The following AGL variants were observed in gnomAD, a reference collection of about 807,000 sequenced individuals.
AGL encodes the protein amylo-alpha-1,6-glucosidase and 4-alpha-glucanotransferase, also known as glycogen debranching enzyme.
A neutral mutation model predicts 199.3 loss-of-function variants in AGL; 128 were observed. The ratio of observed to expected loss-of-function variants is 0.64; its 90% CI spans 0.56 to 0.74. AGL has a LOEUF of 0.74. AGL is among the 30% of genes least tolerant of loss of function. AGL has a pLI of 0.00. For synonymous variants in AGL, 584 were observed against 594.7 expected, an observed-to-expected ratio of 0.98 and a Z score of 0.26; for missense variants, 1,809 against 1,820.8, an observed-to-expected ratio of 0.99 and a Z score of 0.12.
intron 12 of AGL, 77 bp downstream of exon 12, chr1:99,877,905 A>C: frequency 1.4e-6 from 2 of 1,424,788 alleles, no homozygotes; most frequent in Non-Finnish European, 2.0e-6. Context: ...TAAACTATGC[A>C]GGTAAATGTT....
rs1295886616 is a variant in AGL at position 99,880,614 on chromosome 1, T to C, written c.1736-18T>C. The C allele has an allele frequency of 5.0e-6, 8 of 1,613,038 alleles. No homozygotes were observed. The highest frequency in any genetic ancestry group is 2.2e-5 in the South Asian group (2 of 91,060). On this transcript the variant is annotated intron_variant, in intron 13 of 33. Transcript: ENST00000361915. ...ATAAATAATGAAGATTGTTAAAATA[T>C]TCTGTAATGCTCTGCAGAGGCAATG...
chr1:99,889,130 G>A (rs374909923), intron 21 of AGL, among the ~76,000 whole-genome samples: 24 of 152,234 alleles, frequency 1.6e-4, no homozygotes, highest in African/African-American at 5.8e-4. Context: ...TTATGGTTAG[G>A]ATTAATGAAT....
chr1:99,896,024 T>A (rs548995908), intron 24 of AGL, among the ~76,000 whole-genome samples: 1 of 152,336 alleles, frequency 6.6e-6, no homozygotes, highest in East Asian at 1.9e-4. Flanking sequence ...TTTAGATAAG[T>A]ATCTCTCTAT....
intron 24 of AGL, among the ~76,000 whole-genome samples, chr1:99,895,296 G>T (rs1181110730): frequency 2.6e-5 from 4 of 151,958 alleles, no homozygotes; most frequent in Admixed American, 6.6e-5. Context: ...TGTTTTATAA[G>T]AAACCAAACT....
At chr1:99,851,426 A>G (rs1003267463) in intron 2 of AGL, among the ~76,000 whole-genome samples, 2 of 152,196 alleles carry the variant, frequency 1.3e-5, no homozygotes, top group African/African-American at 2.4e-5. Context: ...ATTATTTCTA[A>G]TAACATTTAC....
intron 25 of AGL, among the ~76,000 whole-genome samples, chr1:99,898,005 T>C (rs1201895661): frequency 6.6e-6 from 1 of 152,184 alleles, no homozygotes; most frequent in Non-Finnish European, 1.5e-5. Flanking sequence ...AACTGTGGCC[T>C]ATCACCTGTT....
At chr1:99,899,051 C>G (rs1023643238) in intron 25 of AGL, among the ~76,000 whole-genome samples, 1 of 151,986 alleles carries the variant, frequency 6.6e-6, no homozygotes, top group Non-Finnish European at 1.5e-5. Flanking sequence ...TCAAGACCAG[C>G]CTGGGCAACA....
intron 27 of AGL, 51 bp from the exon 28 acceptor site, chr1:99,910,661 A>G: frequency 9.5e-7 from 1 of 1,047,708 alleles, no homozygotes; most frequent in Non-Finnish European, 1.3e-6. Flanking sequence ...ATTTGTATAT[A>G]CTATATATAA....
chr1:99,921,182 A>G (rs949422844), intron 33 of AGL, among the ~76,000 whole-genome samples: 1 of 152,142 alleles, frequency 6.6e-6, no homozygotes, highest in Non-Finnish European at 1.5e-5. Flanking sequence ...AGTTTTATCA[A>G]GATCACACAT....
upstream of AGL, among the ~76,000 whole-genome samples, chr1:99,849,625 G>C (rs995352749): frequency 1.3e-5 from 2 of 152,208 alleles, no homozygotes; most frequent in African/African-American, 4.8e-5. Context: ...AGGAACATGT[G>C]TCCTGTCTGT....
chr1:99,907,693 G>GTTTTTTTT (rs71075465), intron 27 of AGL, among the ~76,000 whole-genome samples: 1 of 118,942 alleles, frequency 8.4e-6, no homozygotes, highest in Non-Finnish European at 1.8e-5. Context: ...TTTGTTTTTT[G>GTTTTTTTT]TTTTTTTTGC....
At chr1:99,894,092 G>A (rs2100797601) in intron 24 of AGL, among the ~76,000 whole-genome samples, 1 of 152,118 alleles carries the variant, frequency 6.6e-6, no homozygotes, top group East Asian at 1.9e-4. Flanking sequence ...GGAGGCTGGG[G>A]CAGGAGGATC....
At chr1:99,864,651 C>A in intron 5 of AGL, 62 bp downstream of exon 5, 2 of 1,388,928 alleles carry the variant, frequency 1.4e-6, no homozygotes, top group Non-Finnish European at 2.0e-6. Context: ...CACACATATA[C>A]ACACAAATAA....
At chr1:99,891,444 A>T in intron 22 of AGL, 88 bp downstream of exon 22, 2 of 1,539,376 alleles carry the variant, frequency 1.3e-6, no homozygotes, top group Non-Finnish European at 1.8e-6. Context: ...ATTGTTTTCT[A>T]ACCTGAACCA....
At chr1:99,891,824 A>G (rs1273510365) in intron 23 of AGL, 85 bp downstream of exon 23, 1 of 1,503,022 alleles carries the variant, frequency 6.7e-7, no homozygotes, top group African/African-American at 1.4e-5. Context: ...TTAAAAAACC[A>G]AACCATAAAG....
chr1:99,852,686 G>A, intron 2 of AGL: 1 of 780,100 alleles, frequency 1.3e-6, no homozygotes, highest in South Asian at 1.3e-5. Flanking sequence ...CCAATTCTGA[G>A]CATTAATTTA....
At chr1:99,852,448 C>T in intron 2 of AGL, 1 of 532,188 alleles carries the variant, frequency 1.9e-6, no homozygotes, top group Non-Finnish European at 3.3e-6. Context: ...TGGCTCAGTG[C>T]TGCCTCAACT....
chr1:99,906,060 C>A (rs910119665), intron 27 of AGL, among the ~76,000 whole-genome samples: 1 of 152,040 alleles, frequency 6.6e-6, no homozygotes, highest in Admixed American at 6.5e-5. Context: ...TAAGTACAAT[C>A]ACATTGTTGT....
chr1:99,900,079 A>G (rs1570481020), intron 25 of AGL, among the ~76,000 whole-genome samples: 1 of 151,634 alleles, frequency 6.6e-6, no homozygotes, highest in Admixed American at 6.6e-5. Flanking sequence ...ACAGGCACGC[A>G]CCACCATTCC....
Sources: allele counts gnomAD v4.1 joint callset (sites outside exome capture counted in the v4.1 genomes callset), GRCh38; gene constraint gnomAD v4.1.1; transcripts MANE v1.5; gene names NCBI Gene and HGNC (gene_info 2026-07-23, HGNC 2026-07-21).